The following PTPRM variants were observed in gnomAD, a reference collection of about 807,000 sequenced individuals.
PTPRM encodes the protein receptor-type tyrosine-protein phosphatase mu.
In PTPRM, 47 loss-of-function variants were observed where a neutral mutation model predicts 186.7. The observed-to-expected ratio is 0.25, with a 90% CI of 0.20 to 0.32. The LOEUF is 0.32. Among genes scored for constraint, PTPRM ranks in the 10% least tolerant of loss-of-function variants. The pLI is 1.00. For synonymous variants in PTPRM, 668 were observed against 674.9 expected, an observed-to-expected ratio of 0.99 and a Z score of 0.16; for missense variants, 1,494 against 1,865.0, an observed-to-expected ratio of 0.80 and a Z score of 3.66.
chr18:8,254,888 G>A (rs961600344), intron 19 of PTPRM, among the ~76,000 whole-genome samples: 10 of 152,350 alleles, frequency 6.6e-5, no homozygotes, highest in Admixed American at 3.9e-4. Context: ...GTGCATCCTG[G>A]TGTATTGCCA....
intron 14 of PTPRM, among the ~76,000 whole-genome samples, chr18:8,233,274 A>G (rs1191532126): frequency 6.6e-6 from 1 of 152,210 alleles, no homozygotes; most frequent in Non-Finnish European, 1.5e-5. Flanking sequence ...GTCCTTTTGC[A>G]TTCCTATCAA....
intron 7 of PTPRM, among the ~76,000 whole-genome samples, chr18:8,016,933 A>G (rs73385610): frequency 0.028 from 4,227 of 152,264 alleles, 117 homozygotes; most frequent in African/African-American, 0.07. Flanking sequence ...TTCACGCATT[A>G]ATAGATTTTG....
Position 7,885,867 on chromosome 18 carries a change from G to T in PTPRM, c.197-2239G>T, listed in dbSNP as rs1336370982. On this transcript the variant is annotated intron_variant, in intron 2 of 32. Transcript: ENST00000580170. Reference sequence around the variant, plus strand: ...TAAAATAACAGTTTTGGAAAACTGGGTGATTTCCTTAACAGTAATGGTAGA... The same window carrying T: ...TAAAATAACAGTTTTGGAAAACTGGTTGATTTCCTTAACAGTAATGGTAGA... Among the ~76,000 whole-genome samples the T allele has an allele frequency of 2.0e-5, 3 of 152,156 alleles. 1 individual carries two copies. Among genetic ancestry groups the T allele is most frequent in the Admixed American group, 2.0e-4 (3 of 15,282 alleles).
intron 1 of PTPRM, among the ~76,000 whole-genome samples, chr18:7,728,291 A>G (rs1364547992): frequency 1.3e-5 from 2 of 152,182 alleles, no homozygotes; most frequent in African/African-American, 4.8e-5. Context: ...TTATCTCATG[A>G]CCAGAAAGAA....
chr18:8,019,327 G>A (rs1184923237), intron 7 of PTPRM, among the ~76,000 whole-genome samples: 2 of 152,118 alleles, frequency 1.3e-5, no homozygotes, highest in African/African-American at 4.8e-5. Context: ...AATTAAATGA[G>A]GTAAATTAAT....
chr18:7,614,758 C>T (rs1049815718), intron 1 of PTPRM, among the ~76,000 whole-genome samples: 1 of 152,106 alleles, frequency 6.6e-6, no homozygotes, highest in Non-Finnish European at 1.5e-5. Flanking sequence ...GACACAGGAT[C>T]GATGTGCTGT....
intron 1 of PTPRM, among the ~76,000 whole-genome samples, chr18:7,666,362 T>C (rs1364098358): frequency 6.6e-6 from 1 of 152,172 alleles, no homozygotes; most frequent in Admixed American, 6.5e-5. Context: ...ATGATAACAC[T>C]AATAACACTC....
At chr18:8,264,023 G>A (rs111792325) in intron 19 of PTPRM, among the ~76,000 whole-genome samples, 2,386 of 152,258 alleles carry the variant, frequency 0.016, 59 homozygotes, top group African/African-American at 0.054. Flanking sequence ...GAAGCGGGGG[G>A]TTGCCATCTT....
At chr18:7,656,138 G>T (rs2038842021) in intron 1 of PTPRM, among the ~76,000 whole-genome samples, 1 of 152,200 alleles carries the variant, frequency 6.6e-6, no homozygotes, top group African/African-American at 2.4e-5. Flanking sequence ...CATGTTCATT[G>T]CAGCATTATA....
At chr18:7,757,984 CT>C (rs1185689860) in intron 1 of PTPRM, among the ~76,000 whole-genome samples, 1 of 152,084 alleles carries the variant, frequency 6.6e-6, no homozygotes, top group South Asian at 2.1e-4. Context: ...AACAGAGGTG[CT>C]TACCTGCCCA....
At chr18:8,052,476 T>C (rs2087577776) in intron 7 of PTPRM, among the ~76,000 whole-genome samples, 3 of 152,200 alleles carry the variant, frequency 2.0e-5, no homozygotes, top group Admixed American at 2.0e-4. Context: ...AACATGCTCT[T>C]CAGGTTTGTA....
intron 4 of PTPRM, among the ~76,000 whole-genome samples, chr18:7,918,968 T>C (rs946766192): frequency 2.0e-5 from 3 of 152,200 alleles, no homozygotes; most frequent in Non-Finnish European, 1.5e-5. Flanking sequence ...TTGACTTCTG[T>C]AGATGTCGAA....
intron 2 of PTPRM, among the ~76,000 whole-genome samples, chr18:7,874,984 G>C (rs529903771): frequency 6.6e-6 from 1 of 152,244 alleles, no homozygotes; most frequent in South Asian, 2.1e-4. Flanking sequence ...CTTGAGGCCA[G>C]GAGTTCGAGA....
chr18:8,207,019 G>T (rs1331532203), intron 14 of PTPRM, among the ~76,000 whole-genome samples: 10 of 152,210 alleles, frequency 6.6e-5, no homozygotes, highest in African/African-American at 1.9e-4. Context: ...AGGTTTCAGA[G>T]GGGGCATGGC....
At chr18:7,857,135 A>C (rs887143906) in intron 2 of PTPRM, among the ~76,000 whole-genome samples, 5 of 152,130 alleles carry the variant, frequency 3.3e-5, no homozygotes, top group African/African-American at 1.2e-4. Context: ...GTGGGAAATC[A>C]GTAGATGGTC....
At chr18:8,299,476 A>T (rs569731601) in intron 20 of PTPRM, among the ~76,000 whole-genome samples, 2 of 152,012 alleles carry the variant, frequency 1.3e-5, no homozygotes, top group South Asian at 2.1e-4. Context: ...AATCCCAGCT[A>T]CTCGGGAGGC....
chr18:8,375,604 G>C (rs1207550952), intron 24 of PTPRM, among the ~76,000 whole-genome samples: 1 of 152,156 alleles, frequency 6.6e-6, no homozygotes, highest in Non-Finnish European at 1.5e-5. Flanking sequence ...CAGGATGCCG[G>C]AAAGCCCCAA....
chr18:7,920,237 A>T (rs2050781522), intron 4 of PTPRM, among the ~76,000 whole-genome samples: 1 of 151,958 alleles, frequency 6.6e-6, no homozygotes, highest in Admixed American at 6.6e-5. Flanking sequence ...TTGTTGCTTA[A>T]TTTCTGGTTG....
intron 1 of PTPRM, among the ~76,000 whole-genome samples, chr18:7,580,535 T>C (rs2036815754): frequency 6.6e-6 from 1 of 152,192 alleles, no homozygotes; most frequent in Non-Finnish European, 1.5e-5. Flanking sequence ...TCTTAAATAT[T>C]GATAATATAC....
Sources: allele counts gnomAD v4.1 joint callset (sites outside exome capture counted in the v4.1 genomes callset), GRCh38; gene constraint gnomAD v4.1.1; transcripts MANE v1.5; gene names NCBI Gene and HGNC (gene_info 2026-07-23, HGNC 2026-07-21).